The following GRIK4 variants were observed in gnomAD, a reference collection of about 807,000 sequenced individuals.
The protein encoded by GRIK4 is glutamate ionotropic receptor kainate type subunit 4, also known as glutamate receptor ionotropic, kainate 4.
GRIK4 carries 40 observed loss-of-function variants against 104.9 expected under a neutral mutation model. That is an observed-to-expected ratio of 0.38 (90% CI 0.30 to 0.50). The LOEUF is 0.50. GRIK4 is among the 20% of genes least tolerant of loss of function. GRIK4 has a pLI of 0.93. For synonymous variants in GRIK4, 485 were observed against 524.9 expected (o/e 0.92, Z 1.04); for missense variants, 1,047 against 1,308.1 (o/e 0.80, Z 3.08).
chr11:120,876,411 ATTG>A (rs1555083804), intron 11 of GRIK4, among the ~76,000 whole-genome samples: 2 of 142,864 alleles, frequency 1.4e-5, no homozygotes, highest in Admixed American at 7.0e-5. Context: ...CACAACCACC[ATTG>A]TCATCATTAT....
rs73578635 is a variant in GRIK4, at chr11:120,920,402, C to T, written c.1476+14909C>T. Among the ~76,000 whole-genome samples, 367 of 152,258 alleles carry T rather than the reference C, an allele frequency of 2.4e-3. 2 individuals are homozygous for T. Among genetic ancestry groups the T allele is most frequent in the African/African-American group, 8.4e-3 (350 of 41,536 alleles). ...CGGTCCCCAAACACATGCCCATCTA[C>T]GTGCATGTCTGCCTGCTCCCCTGGG... On this transcript the variant is annotated intron_variant, in intron 13 of 20. Coordinates refer to ENST00000527524, the MANE Select transcript of GRIK4 (RefSeq NM_014619.5).
chr11:120,517,509 T>A (rs1339059923), intron 1 of GRIK4, among the ~76,000 whole-genome samples: 1 of 148,734 alleles, frequency 6.7e-6, no homozygotes, highest in Non-Finnish European at 1.5e-5. Flanking sequence ...CACCCCTGAC[T>A]TCCGCCTAAA....
At chr11:120,577,049 C>T (rs542861232) in intron 1 of GRIK4, among the ~76,000 whole-genome samples, 5 of 152,210 alleles carry the variant, frequency 3.3e-5, no homozygotes, top group Admixed American at 6.5e-5. Context: ...AGAAATATTG[C>T]GCTTTAGCTG....
chr11:120,730,447 T>C (rs1316943749), intron 3 of GRIK4, among the ~76,000 whole-genome samples: 3 of 152,206 alleles, frequency 2.0e-5, no homozygotes, highest in Non-Finnish European at 4.4e-5. Context: ...GTATCTGTTT[T>C]TATGCCAATA....
intron 4 of GRIK4, among the ~76,000 whole-genome samples, chr11:120,811,393 G>C (rs1392017170): frequency 6.6e-6 from 1 of 152,224 alleles, no homozygotes; most frequent in Non-Finnish European, 1.5e-5. Flanking sequence ...GTGCGGTGCA[G>C]TGGTTAAGGG....
At chr11:120,975,026 AC>A (rs1369286886) in intron 19 of GRIK4, among the ~76,000 whole-genome samples, 1 of 152,238 alleles carries the variant, frequency 6.6e-6, no homozygotes, top group Non-Finnish European at 1.5e-5. Context: ...TGGTCGGTGA[AC>A]TCCAAGGAAA....
chr11:120,654,169 G>A (rs1351417523), intron 2 of GRIK4, among the ~76,000 whole-genome samples: 1 of 152,126 alleles, frequency 6.6e-6, no homozygotes, highest in Non-Finnish European at 1.5e-5. Context: ...GTCAAAGCAG[G>A]GGCCTGGGAT....
At chr11:120,916,303 G>A (rs1555092982) in intron 13 of GRIK4, among the ~76,000 whole-genome samples, 1 of 152,166 alleles carries the variant, frequency 6.6e-6, no homozygotes, top group Non-Finnish European at 1.5e-5. Context: ...AGACAGATGC[G>A]AGCAGAAGTT....
intron 1 of GRIK4, among the ~76,000 whole-genome samples, chr11:120,598,132 C>A (rs1380495817): frequency 6.6e-6 from 1 of 152,142 alleles, no homozygotes; most frequent in Non-Finnish European, 1.5e-5. Context: ...TTCCACTCTT[C>A]TGGAATCAAG....
At chr11:120,604,040 C>T (rs1261928372) in intron 1 of GRIK4, among the ~76,000 whole-genome samples, 4 of 151,848 alleles carry the variant, frequency 2.6e-5, no homozygotes, top group African/African-American at 9.7e-5. Flanking sequence ...GGCGTGGTGG[C>T]GGGCACCTGT....
intron 3 of GRIK4, among the ~76,000 whole-genome samples, chr11:120,673,743 G>A (rs537848900): frequency 1.3e-5 from 2 of 152,172 alleles, no homozygotes; most frequent in Admixed American, 1.3e-4. Flanking sequence ...CCTGGAGACC[G>A]GAACCTGGAC....
At chr11:120,950,339 T>C (rs1348846919) in intron 14 of GRIK4, among the ~76,000 whole-genome samples, 4 of 152,230 alleles carry the variant, frequency 2.6e-5, no homozygotes, top group African/African-American at 9.6e-5. Flanking sequence ...CTTTGGTCTC[T>C]AGGAATTTTT....
intron 3 of GRIK4, among the ~76,000 whole-genome samples, chr11:120,732,325 G>A (rs1951147591): frequency 3.3e-5 from 5 of 152,018 alleles, no homozygotes; most frequent in Admixed American, 3.3e-4. Context: ...AGTAGAGACG[G>A]GGTTTCACCA....
chr11:120,754,753 T>A (rs996403809), intron 3 of GRIK4, among the ~76,000 whole-genome samples: 3 of 152,206 alleles, frequency 2.0e-5, no homozygotes, highest in Non-Finnish European at 4.4e-5. Context: ...CTCACATGGT[T>A]TTGATTTGTA....
At chr11:120,547,012 G>A (rs1355954288) in intron 1 of GRIK4, among the ~76,000 whole-genome samples, 1 of 152,238 alleles carries the variant, frequency 6.6e-6, no homozygotes, top group African/African-American at 2.4e-5. Flanking sequence ...TGCATGCAGA[G>A]CTCCACGTAC....
chr11:120,605,196 C>T lies in GRIK4; in HGVS notation c.-158-48489C>T, dbSNP rs530317526. ...TACTGATGACTGGCCAAGTTAGGGA[C>T]CCCTGGGAAAGATGAACGTGTTACT... On this transcript the variant is annotated intron_variant, in intron 1 of 20. Coordinates refer to ENST00000527524, the MANE Select transcript of GRIK4 (RefSeq NM_014619.5). Among the ~76,000 whole-genome samples the T allele has an allele frequency of 5.3e-5, 8 of 152,298 alleles. No homozygotes were observed. In the East Asian group the frequency reaches 1.5e-3, roughly 29 times the overall value.
intron 1 of GRIK4, among the ~76,000 whole-genome samples, chr11:120,585,905 G>A (rs1357935216): frequency 6.6e-6 from 1 of 152,142 alleles, no homozygotes. Flanking sequence ...GATTGGGTCA[G>A]GGTGCCATTT....
chr11:120,890,199 T>TCAA (rs754857807), intron 11 of GRIK4, among the ~76,000 whole-genome samples: 2 of 152,154 alleles, frequency 1.3e-5, no homozygotes, highest in African/African-American at 4.8e-5. Flanking sequence ...CAGTTGCTTA[T>TCAA]CAACAACAAC....
At chr11:120,984,595 C>T (rs1214026731) in intron 20 of GRIK4, among the ~76,000 whole-genome samples, 1 of 151,940 alleles carries the variant, frequency 6.6e-6, no homozygotes, top group Non-Finnish European at 1.5e-5. Context: ...AGTGAAACCC[C>T]GTCTCTACCA....
Sources: gnomAD v4.1 joint callset for allele counts (sites outside exome capture counted in the v4.1 genomes callset) on GRCh38, gnomAD v4.1.1 for gene constraint, MANE v1.5 for transcripts, NCBI Gene and HGNC (gene_info 2026-07-23, HGNC 2026-07-21) for gene names.